The following NPIPA7 variants were observed in gnomAD, a reference collection of about 807,000 sequenced individuals.
NPIPA7 encodes the protein nuclear pore complex interacting protein family member A7.
intron 4 of NPIPA7, among the ~76,000 whole-genome samples, chr16:16,388,262 A>C (rs377242708): frequency 1.4e-4 from 5 of 35,014 alleles, no homozygotes; most frequent in Non-Finnish European, 2.5e-4. Context: ...GTCCAGGCTG[A>C]TCTCGAACTT....
At chr16:16,387,162 GC>G in intron 2 of NPIPA7, among the ~76,000 whole-genome samples, 1 of 128,778 alleles carries the variant, frequency 7.8e-6, no homozygotes, top group East Asian at 2.8e-4. Context: ...TGCAAACTCC[GC>G]CTCCCAGCTT....
At chr16:16,388,228 CTAGATATG>C (rs1165080493) in intron 4 of NPIPA7, among the ~76,000 whole-genome samples, 1 of 35,342 alleles carries the variant, frequency 2.8e-5, no homozygotes, top group Non-Finnish European at 5.0e-5. Context: ...TGTATTTTTA[CTAGATATG>C]GGGTTTCACC....
At chr16:16,386,571 T>C (rs2050138471) in intron 2 of NPIPA7, among the ~76,000 whole-genome samples, 1 of 99,696 alleles carries the variant, frequency 1.0e-5, no homozygotes, top group African/African-American at 3.7e-5. Context: ...TGCCTCAGCC[T>C]CCCGAGTAGC....
intron 4 of NPIPA7, among the ~76,000 whole-genome samples, 200 bp downstream of exon 4, chr16:16,388,006 G>T: frequency 1.1e-5 from 1 of 91,292 alleles, no homozygotes; most frequent in Middle Eastern, 4.3e-3. Flanking sequence ...CATTTTTTCA[G>T]GGGAAGAGGA....
At chr16:16,387,060 T>TG (rs1555530721) in intron 2 of NPIPA7, among the ~76,000 whole-genome samples, 1 of 101,536 alleles carries the variant, frequency 9.8e-6, no homozygotes, top group East Asian at 4.1e-4. Context: ...ATGTCATTCT[T>TG]TGTGTGTGTG....
At chr16:16,388,499 G>A (rs1316214564) in intron 4 of NPIPA7, among the ~76,000 whole-genome samples, 1 of 34,134 alleles carries the variant, frequency 2.9e-5, no homozygotes, top group African/African-American at 1.2e-4. Context: ...TGGATTACAG[G>A]TGTGTGCCGC....
intron 2 of NPIPA7, among the ~76,000 whole-genome samples, chr16:16,387,135 G>A (rs1443049075): frequency 2.4e-5 from 3 of 127,212 alleles, no homozygotes; most frequent in African/African-American, 8.1e-5. Context: ...GAGTGCAGTG[G>A]TGTGATCTCG....
intron 2 of NPIPA7, among the ~76,000 whole-genome samples, chr16:16,386,530 C>A (rs1423579840): frequency 2.4e-3 from 227 of 95,536 alleles, no homozygotes; most frequent in African/African-American, 7.3e-3. Flanking sequence ...GCTCACTGCA[C>A]CCTCTGCCTC....
At chr16:16,387,140 A>T (rs1183173162) in intron 2 of NPIPA7, among the ~76,000 whole-genome samples, 1 of 123,860 alleles carries the variant, frequency 8.1e-6, no homozygotes, top group Non-Finnish European at 1.8e-5. Context: ...CAGTGGTGTG[A>T]TCTCGGCTCA....
At chr16:16,386,574 C>T (rs1454441120) in intron 2 of NPIPA7, among the ~76,000 whole-genome samples, 38 of 103,652 alleles carry the variant, frequency 3.7e-4, no homozygotes, top group Non-Finnish European at 6.4e-4. Flanking sequence ...CTCAGCCTCC[C>T]GAGTAGCTGG....
intron 1 of NPIPA7, among the ~76,000 whole-genome samples, chr16:16,382,134 GC>G (rs1230125492): frequency 9.2e-6 from 1 of 109,172 alleles, no homozygotes. Context: ...CTTATGCTGA[GC>G]TTTAAATGAC....
chr16:16,387,058 C>A (rs1408132726), intron 2 of NPIPA7, among the ~76,000 whole-genome samples: 1 of 116,438 alleles, frequency 8.6e-6, no homozygotes, highest in East Asian at 3.4e-4. Context: ...TCATGTCATT[C>A]TTTGTGTGTG....
intron 4 of NPIPA7, among the ~76,000 whole-genome samples, chr16:16,388,247 A>G (rs1222117907): frequency 2.9e-3 from 107 of 36,864 alleles, no homozygotes; most frequent in African/African-American, 0.014. Flanking sequence ...GGGTTTCACC[A>G]TGTTGTCCAG....
At chr16:16,387,070 G>GTA (rs1290425349) in intron 2 of NPIPA7, among the ~76,000 whole-genome samples, 4 of 124,454 alleles carry the variant, frequency 3.2e-5, no homozygotes, top group African/African-American at 1.1e-4. Context: ...TTGTGTGTGT[G>GTA]TGTGTGTGTG....
chr16:16,386,898 C>T (rs572562584), intron 2 of NPIPA7, among the ~76,000 whole-genome samples: 1 of 135,382 alleles, frequency 7.4e-6, no homozygotes, highest in African/African-American at 2.6e-5. Flanking sequence ...TACAGGCATG[C>T]ACCACCATGC....
At chr16:16,386,954 G>T (rs2050157803) in intron 2 of NPIPA7, among the ~76,000 whole-genome samples, 1 of 143,726 alleles carries the variant, frequency 7.0e-6, no homozygotes, top group Non-Finnish European at 1.6e-5. Context: ...TCTCCATGTT[G>T]GTGAGGCTGG....
chr16:16,386,725 GGC>G (rs2050145910), intron 2 of NPIPA7, among the ~76,000 whole-genome samples: 1 of 133,454 alleles, frequency 7.5e-6, no homozygotes, highest in Non-Finnish European at 1.7e-5. Context: ...TGGGATTACA[GGC>G]GTGAGCTACA....
At chr16:16,386,218 G>A (rs1266893434) in intron 2 of NPIPA7, among the ~76,000 whole-genome samples, 6 of 116,470 alleles carry the variant, frequency 5.2e-5, no homozygotes, top group African/African-American at 2.0e-4. Flanking sequence ...GTGAGGGAAG[G>A]GAAAGTGAAC....
At chr16:16,388,051 CT>C (rs1252652575) in intron 4 of NPIPA7, among the ~76,000 whole-genome samples, 571 of 44,648 alleles carry the variant, frequency 0.013, 54 homozygotes, top group Non-Finnish European at 0.016. Flanking sequence ...CTTTCTCTCT[CT>C]TTTTTTTTTT....
Sources: allele counts gnomAD v4.1 joint callset (sites outside exome capture counted in the v4.1 genomes callset), GRCh38; gene constraint gnomAD v4.1.1; transcripts MANE v1.5; gene names NCBI Gene and HGNC (gene_info 2026-07-23, HGNC 2026-07-21).